EIF2D: variants seen among roughly 807,000 people sequenced by gnomAD.
EIF2D encodes hepatocellular carcinoma-associated antigen 56.
Under a neutral mutation model 77.4 loss-of-function variants are expected in EIF2D, and 56 were observed. The observed-to-expected ratio is 0.72, with a 90% CI of 0.58 to 0.90. The LOEUF (loss-of-function observed/expected upper bound fraction) is 0.90. EIF2D is among the 40% of genes least tolerant of loss of function. EIF2D has a pLI of 0.00. For missense variants in EIF2D, 574 were observed against 706.5 expected (o/e 0.81, Z 2.13); for synonymous variants, 230 against 271.0 (o/e 0.85, Z 1.49).
At chr1:206,612,100 C>A (rs1438883533) in intron 1 of EIF2D, among the ~76,000 whole-genome samples, 187 bp downstream of exon 1, 2 of 152,172 alleles carry the variant, frequency 1.3e-5, no homozygotes, top group Non-Finnish European at 2.9e-5. Context: ...CAAAAGAGAG[C>A]CAGGTCCCCC....
At position 206,599,769 on chromosome 1, in the gene EIF2D, A is replaced by G; in HGVS notation, c.1016T>C (p.Val339Ala). Residue 339 changes from valine (V) to alanine (A), a missense_variant, in exon 9 of 15, where the codon GTG becomes GCG. By Grantham distance (64) the Val-to-Ala change is moderately conservative (BLOSUM62 0). Coordinates refer to ENST00000271764, the MANE Select transcript of EIF2D (RefSeq NM_006893.3). The surrounding 1 kb of genome is among the most constrained non-coding windows in gnomAD (Gnocchi z 4.1). ...CCAGTCCACAGCCACAATGCTCTCC[A>G]CCCCTTTGCTCAGCTCCTTCACCTG... Reference protein sequence around the residue: ...IIQVKELSKGVESIVAVDWKH... With the variant: ...IIQVKELSKGAESIVAVDWKH... 6.2e-7 allele frequency: 1 copy of G among 1,613,542 alleles called. No homozygotes were observed. Among genetic ancestry groups the G allele is most frequent in the South Asian group, 1.1e-5 (1 of 91,056 alleles).
downstream of EIF2D, chr1:206,591,602 T>A: frequency 1.5e-6 from 1 of 652,502 alleles, no homozygotes. Context: ...CAAAAATTAG[T>A]ACATTTTAGC....
intron 11 of EIF2D, 92 bp from the exon 12 acceptor site, chr1:206,597,287 T>C: frequency 6.6e-6 from 6 of 908,676 alleles, no homozygotes; most frequent in Middle Eastern, 3.0e-4. Flanking sequence ...ACGGCCTTTA[T>C]AGACATTCAG....
intron 14 of EIF2D, 61 bp downstream of exon 14, chr1:206,593,558 T>A (rs910074987): frequency 3.4e-5 from 48 of 1,424,676 alleles, no homozygotes; most frequent in Non-Finnish European, 4.5e-5. Flanking sequence ...GCAAGTTGAG[T>A]TGGCAGGAAG....
At chr1:206,602,502 C>G in intron 6 of EIF2D, 49 bp from the exon 7 acceptor site, 1 of 1,536,636 alleles carries the variant, frequency 6.5e-7, no homozygotes, top group Middle Eastern at 1.7e-4. Context: ...ATACAGAACA[C>G]CTGGTACAAG....
chr1:206,595,360 C>T (rs1553409797), intron 13 of EIF2D: 1 of 151,574 alleles, frequency 6.6e-6, no homozygotes, highest in Non-Finnish European at 1.4e-5. Flanking sequence ...TCAGTTCCTT[C>T]AGCAAGTTTT....
chr1:206,607,001 A>T (rs1553412842), intron 4 of EIF2D, among the ~76,000 whole-genome samples: 1 of 152,240 alleles, frequency 6.6e-6, no homozygotes, highest in African/African-American at 2.4e-5. Flanking sequence ...GAAAAATACT[A>T]GCAACAGTGT....
intron 4 of EIF2D, among the ~76,000 whole-genome samples, chr1:206,578,233 AGTGTGTGTGTGTGT>A (rs58059864): frequency 5.1e-4 from 60 of 117,494 alleles, no homozygotes; most frequent in Non-Finnish European, 9.1e-4. Context: ...AAAAAAAAAA[AGTGTGTGTGTGTGT>A]GTGTGTGTGT....
chr1:206,605,324 C>T (rs1670150351), intron 5 of EIF2D, 76 bp downstream of exon 5: 2 of 1,096,080 alleles, frequency 1.8e-6, no homozygotes, highest in Non-Finnish European at 2.6e-6. Context: ...CCAAAACTCT[C>T]ACTCCTGAAT....
At chr1:206,586,733 G>A (rs1289210846), downstream of EIF2D, 1 of 949,686 alleles carries the variant, frequency 1.1e-6, no homozygotes, top group African/African-American at 1.6e-5. Context: ...TGTGAACTGG[G>A]AAGGGGAAGG....
intron 5 of EIF2D, among the ~76,000 whole-genome samples, chr1:206,572,300 C>T (rs1483858751): frequency 6.6e-6 from 1 of 152,162 alleles, no homozygotes; most frequent in African/African-American, 2.4e-5. Flanking sequence ...AAAGACCCTG[C>T]CTTGAGGGAG....
downstream of EIF2D, among the ~76,000 whole-genome samples, chr1:206,590,705 T>C (rs1341509059): frequency 6.6e-6 from 1 of 152,222 alleles, no homozygotes; most frequent in Non-Finnish European, 1.5e-5. Context: ...CATTCCTTTT[T>C]TCCTTTTCAA....
In EIF2D at chr1:206,595,814, G is replaced by A; in HGVS notation, c.1413C>T (p.Ala471=). 1 of 1,614,096 alleles carries A rather than the reference G, an allele frequency of 6.2e-7. No homozygotes were observed. Among genetic ancestry groups the A allele is most frequent in the Non-Finnish European group, 8.5e-7 (1 of 1,179,962 alleles). Residue 471 remains alanine (A), a synonymous_variant, in exon 13 of 15, where the codon GCC becomes GCT. Coordinates refer to ENST00000271764, the MANE Select transcript of EIF2D (RefSeq NM_006893.3). The part of the protein sequence containing the change: ...LTRCLEKLQP[A]YQVTLPGQEP... ...CTTGTCCGGGAAGGGTCACTTGATA[G>A]GCAGGCTGTAATTTTTCCAAACACC...
At chr1:206,600,407 C>T (rs557109699) in intron 7 of EIF2D, 99 bp from the exon 8 acceptor site, 198 of 1,128,276 alleles carry the variant, frequency 1.8e-4, no homozygotes, top group Middle Eastern at 6.1e-4. Flanking sequence ...CTTCCTCCCC[C>T]ACCTTCAGAG....
chr1:206,595,861 C>T (rs1553409950), intron 12 of EIF2D, 23 bp from the exon 13 acceptor site: 3 of 1,612,646 alleles, frequency 1.9e-6, no homozygotes, highest in African/African-American at 2.7e-5. Flanking sequence ...TTATGAGTTG[C>T]AAACTGATAA....
At position 206,592,893 on chromosome 1, in the gene EIF2D, G is replaced by C. The variant is rs1669414983; in HGVS notation, c.1684+726C>G. Among the ~76,000 whole-genome samples, 1 of 152,114 alleles carries C rather than the reference G, an allele frequency of 6.6e-6. No homozygotes were observed. Among genetic ancestry groups the C allele is most frequent in the African/African-American group, 2.4e-5 (1 of 41,424 alleles). Reference sequence around the variant, plus strand: ...GAGGCAGGCGGATCATCTGAGGTCAGGAGTTCAAGACTGGCTTGGTCAACA... The same window carrying C: ...GAGGCAGGCGGATCATCTGAGGTCACGAGTTCAAGACTGGCTTGGTCAACA... On this transcript the variant is annotated intron_variant, in intron 14 of 14. Transcript: ENST00000271764. This position sits in a 1 kb window ranked among gnomAD's most constrained non-coding sequence, Gnocchi z 4.7.
At chr1:206,571,772 G>T (rs781949715) in intron 5 of EIF2D, among the ~76,000 whole-genome samples, 5 of 152,210 alleles carry the variant, frequency 3.3e-5, no homozygotes, top group African/African-American at 4.8e-5. Flanking sequence ...GGCTCAGGGA[G>T]ACTGAAAGGA....
At chr1:206,594,391 A>G (rs1553409661) in intron 13 of EIF2D, 3 of 152,246 alleles carry the variant, frequency 2.0e-5, no homozygotes, top group Non-Finnish European at 1.5e-5. Context: ...TCAGCTTCAC[A>G]AATGACAAGT....
chr1:206,586,084 G>C (rs550539082), intron 2 of EIF2D: 1 of 152,444 alleles, frequency 6.6e-6, no homozygotes, highest in East Asian at 1.9e-4. Flanking sequence ...CAGTTCTGCT[G>C]CAATGAGCTC....
Sources: gnomAD v4.1 joint callset for allele counts (sites outside exome capture counted in the v4.1 genomes callset) on GRCh38, gnomAD v4.1.1 for gene constraint, Gnocchi (gnomAD v3.1) non-coding constraint, MANE v1.5 for transcripts, NCBI Gene and HGNC (gene_info 2026-07-23, HGNC 2026-07-21) for gene names.